The following NOS1AP variants were observed in gnomAD, a reference collection of about 807,000 sequenced individuals.
NOS1AP encodes the protein carboxyl-terminal PDZ ligand of neuronal nitric oxide synthase protein.
In NOS1AP, 21 loss-of-function variants were observed where a neutral mutation model predicts 56.2. The observed-to-expected ratio is 0.37, with a 90% CI of 0.26 to 0.54. NOS1AP has a LOEUF of 0.54. Ranked by LOEUF, NOS1AP falls within the 20% of genes least tolerant of loss-of-function variation. The pLI, the probability that NOS1AP is intolerant of heterozygous loss-of-function variation, is 0.84. For synonymous variants in NOS1AP, 270 were observed against 274.6 expected (o/e 0.98, Z 0.17); for missense variants, 522 against 657.8 (o/e 0.79, Z 2.26).
chr1:162,154,355 G>T, intron 1 of NOS1AP, 50 bp from the exon 2 acceptor site: 1 of 1,561,468 alleles, frequency 6.4e-7, no homozygotes. Flanking sequence ...TCTGGGATTA[G>T]GGACACTTGC....
intron 1 of NOS1AP, among the ~76,000 whole-genome samples, chr1:162,109,252 G>A (rs1205919117): frequency 6.6e-6 from 1 of 152,212 alleles, no homozygotes; most frequent in African/African-American, 2.4e-5. Flanking sequence ...GTTACAGTGT[G>A]TGAACCTTAT....
At position 162,299,672 on chromosome 1, in the gene NOS1AP, A is replaced by T. The variant is rs6692052; in HGVS notation, c.271-961A>T. On this transcript the variant is annotated intron_variant, in intron 3 of 9. Coordinates refer to ENST00000361897, the MANE Select transcript of NOS1AP (RefSeq NM_014697.3). ...TTTGTTGTCTATAAAACAGTGTTTG[A>T]TATTGGATGTTTTTAAACCAGTCTA... Among the ~76,000 whole-genome samples, 207 of 152,318 alleles carry T rather than the reference A, an allele frequency of 1.4e-3. 2 individuals are homozygous for T. Among genetic ancestry groups the T allele is most frequent in the Middle Eastern group, 3.4e-3 (1 of 294 alleles).
intron 2 of NOS1AP, among the ~76,000 whole-genome samples, chr1:162,242,744 T>C (rs961650382): frequency 6.6e-6 from 1 of 152,148 alleles, no homozygotes; most frequent in Non-Finnish European, 1.5e-5. Flanking sequence ...CCTCCAAGAA[T>C]TGAAGAAAGC....
chr1:162,105,603 G>A (rs1647472845), intron 1 of NOS1AP, among the ~76,000 whole-genome samples: 1 of 152,204 alleles, frequency 6.6e-6, no homozygotes, highest in African/African-American at 2.4e-5. Flanking sequence ...ACCCTTGCTG[G>A]AGTGGCTGAA....
chr1:162,327,618 C>T lies in NOS1AP; in HGVS notation c.345-5399C>T, dbSNP rs151124988. ...TACCCAAGTATGTTCAGGAAATCTG[C>T]CTTACAGCTGTTGCGCAAATTAGCT... is the stretch of plus-strand genomic sequence containing the variant. On this transcript the variant is annotated intron_variant, in intron 4 of 9. Transcript: ENST00000361897. Among the ~76,000 whole-genome samples, 292 of 152,300 alleles carry T rather than the reference C, an allele frequency of 1.9e-3. 1 individual carries two copies. Among genetic ancestry groups the T allele is most frequent in the African/African-American group, 6.8e-3 (282 of 41,564 alleles).
At chr1:162,366,328 C>T (rs1392374203) in intron 9 of NOS1AP, among the ~76,000 whole-genome samples, 1 of 152,078 alleles carries the variant, frequency 6.6e-6, no homozygotes, top group Non-Finnish European at 1.5e-5. Context: ...TCATTTAATC[C>T]CTGTAGTTCT....
intron 6 of NOS1AP, among the ~76,000 whole-genome samples, chr1:162,349,904 A>T (rs1657436718): frequency 6.6e-6 from 1 of 152,186 alleles, no homozygotes; most frequent in Admixed American, 6.5e-5. Flanking sequence ...CTGGGATTGG[A>T]AATGTTTTCT....
intron 2 of NOS1AP, among the ~76,000 whole-genome samples, chr1:162,216,468 C>T (rs962710662): frequency 2.3e-4 from 35 of 152,146 alleles, no homozygotes; most frequent in Non-Finnish European, 4.9e-4. Context: ...CCTTCTAGAG[C>T]GGGCTTTACA....
In NOS1AP at chr1:162,367,260, C is replaced by T. The variant is rs942891997; in HGVS notation, c.1314C>T (p.Asp438=). Residue 438 remains aspartate (D), a synonymous_variant, in exon 10 of 10, where the codon GAC becomes GAT. Transcript: ENST00000361897. This position sits in a 1 kb window ranked among gnomAD's most constrained non-coding sequence, Gnocchi z 6.5. ...LECFRFLPPE[D]TPPPAQGEAL... ...GCTTTCGCTTTCTTCCGCCCGAGGACACCCCGCCCCCAGCGCAGGGCGAGG... is the reference window on the plus strand; with the variant it reads ...GCTTTCGCTTTCTTCCGCCCGAGGATACCCCGCCCCCAGCGCAGGGCGAGG... 6.2e-7 allele frequency: 1 copy of T among 1,613,626 alleles called. No homozygotes were observed. Among genetic ancestry groups the T allele is most frequent in the African/African-American group, 1.3e-5 (1 of 74,948 alleles).
intron 1 of NOS1AP, among the ~76,000 whole-genome samples, chr1:162,081,431 G>A (rs1298715252): frequency 1.3e-5 from 2 of 152,072 alleles, no homozygotes; most frequent in Non-Finnish European, 2.9e-5. Flanking sequence ...GGAGCTCTGG[G>A]AGGCCCTTCC....
chr1:162,182,680 G>C (rs898233777), intron 2 of NOS1AP, among the ~76,000 whole-genome samples: 2 of 152,238 alleles, frequency 1.3e-5, no homozygotes, highest in South Asian at 4.1e-4. Context: ...TGTTCATAGC[G>C]GGTCTACAGG....
chr1:162,343,971 A>G lies in NOS1AP; in HGVS notation c.590A>G (p.Asp197Gly). 1 of 1,614,090 alleles carries G rather than the reference A, an allele frequency of 6.2e-7. No individual in the cohort carries two copies. The highest frequency in any genetic ancestry group is 1.1e-5 in the South Asian group (1 of 91,076). ...ESERNSNSSG[D>G]PGRQLTGAER... The stretch of plus-strand genomic sequence containing the variant: ...GAGAGGAACAGCAACAGCTCAGGAG[A>G]CCCAGGTAGGCACTGCGGCTTCTGT... Residue 197 changes from aspartate (D) to glycine (G), a missense_variant, in exon 6 of 10, where the codon GAC (aspartate) becomes GGC (glycine). Physicochemically the swap from Asp to Gly is moderately conservative, Grantham distance 94. Around this residue, in one of 4 missense-constraint regions of NOS1AP, gnomAD observed 178 missense variants for 165.0 expected, o/e 1.08. Transcript: ENST00000361897.
rs1647365225 is a variant in NOS1AP at position 162,370,470 on chromosome 1, T to TTTC, written c.*3005_*3007dup. 1 of 151,950 alleles carries TTTC rather than the reference T, an allele frequency of 6.6e-6. No homozygotes were observed. Among genetic ancestry groups the TTTC allele is most frequent in the Non-Finnish European group, 1.5e-5 (1 of 68,052 alleles). 9.4% of individuals were successfully genotyped at this position (151,950 alleles called of 1,614,324 possible). A position where few individuals can be genotyped will look rare whatever the true frequency, so the allele number is the denominator to read the frequency against. ...GCTTTTGCTAAATAAACCTTTCTTATTTCTAGAAGCTTTTCCATTGTCTTT... is the reference window on the plus strand; with the variant it reads ...GCTTTTGCTAAATAAACCTTTCTTATTTCTTCTAGAAGCTTTTCCATTGTCTTT... On this transcript the variant is annotated 3_prime_UTR_variant, in exon 10 of 10. Transcript: ENST00000361897.
intron 5 of NOS1AP, chr1:162,342,631 A>G: frequency 4.1e-6 from 2 of 493,664 alleles, no homozygotes; most frequent in Non-Finnish European, 4.2e-6. Flanking sequence ...TTTTATTACT[A>G]CCTTCAACAA....
chr1:162,130,886 G>C (rs1648719527), intron 1 of NOS1AP, among the ~76,000 whole-genome samples: 1 of 152,152 alleles, frequency 6.6e-6, no homozygotes, highest in East Asian at 1.9e-4. Context: ...TTTGGATTGG[G>C]ATCAAGTAGG....
intron 1 of NOS1AP, among the ~76,000 whole-genome samples, chr1:162,122,874 T>C (rs1041633482): frequency 6.6e-6 from 1 of 152,208 alleles, no homozygotes; most frequent in Admixed American, 6.5e-5. Context: ...ATATTTTTCT[T>C]TTTATTCAAA....
intron 2 of NOS1AP, among the ~76,000 whole-genome samples, chr1:162,178,981 T>C (rs1651161645): frequency 6.6e-6 from 1 of 152,096 alleles, no homozygotes; most frequent in South Asian, 2.1e-4. Flanking sequence ...TTTGTGGGGT[T>C]TTTTGGTGGG....
At chr1:162,349,190 A>G (rs961171531) in intron 6 of NOS1AP, among the ~76,000 whole-genome samples, 4 of 151,812 alleles carry the variant, frequency 2.6e-5, no homozygotes, top group Admixed American at 2.6e-4. Flanking sequence ...TCCAACTCCA[A>G]AAAAGGGGAA....
At chr1:162,305,032 G>A (rs773608193) in intron 4 of NOS1AP, among the ~76,000 whole-genome samples, 6 of 151,948 alleles carry the variant, frequency 3.9e-5, no homozygotes, top group Non-Finnish European at 7.4e-5. Flanking sequence ...CATTTTAGAC[G>A]AATGAATTTT....
Sources: allele counts gnomAD v4.1 joint callset (sites outside exome capture counted in the v4.1 genomes callset), GRCh38; gene constraint gnomAD v4.1.1; regional missense constraint gnomAD v4.1.1; non-coding constraint Gnocchi (gnomAD v3.1); transcripts MANE v1.5; gene names NCBI Gene and HGNC (gene_info 2026-07-23, HGNC 2026-07-21).